Variants in ANKRD12 observed in about 807,000 individuals in gnomAD.
The protein encoded by ANKRD12 is ankyrin repeat domain-containing protein 12.
A neutral mutation model predicts 183.4 loss-of-function variants in ANKRD12; 85 were observed. That is an observed-to-expected ratio of 0.46 (90% CI 0.39 to 0.56). The LOEUF (loss-of-function observed/expected upper bound fraction) is 0.56. Ranked by LOEUF, ANKRD12 falls within the 20% of genes least tolerant of loss-of-function variation. The probability of loss-of-function intolerance (pLI) is 0.00; values close to 1 mark genes in which losing one functional copy is unlikely to be tolerated. For missense variants in ANKRD12, 2,405 were observed against 2,357.1 expected (o/e 1.02, Z -0.42); for synonymous variants, 914 against 800.2 (o/e 1.14, Z -2.40).
chr18:9,142,351 G>A (rs1490007614), intron 1 of ANKRD12, among the ~76,000 whole-genome samples: 3 of 152,338 alleles, frequency 2.0e-5, no homozygotes, highest in East Asian at 3.9e-4. Flanking sequence ...CAGCTAATCT[G>A]ATGATACTGA....
intron 6 of ANKRD12, among the ~76,000 whole-genome samples, chr18:9,216,154 A>C (rs2036092099): frequency 6.6e-6 from 1 of 152,036 alleles, no homozygotes; most frequent in Non-Finnish European, 1.5e-5. Context: ...ACACAAATTT[A>C]CAATGTATTT....
Position 9,258,682 on chromosome 18 carries a change from A to G in ANKRD12, c.5415A>G (p.Ala1805=). The change falls in exon 9 of 13, where the codon GCA becomes GCG. Residue 1805 remains alanine, a synonymous_variant. Transcript: ENST00000262126. ...AAGTGAGTCCCTCTTTACTACAAGC[A>G]AAAGAGAAAACTCAGCAATCTCTGG... ...PVQVSPSLLQ[A]KEKTQQSLAA... The G allele has an allele frequency of 1.9e-6, 3 of 1,613,988 alleles. No individual in the cohort carries two copies. The highest frequency in any genetic ancestry group is 2.5e-6 in the Non-Finnish European group (3 of 1,179,916).
chr18:9,175,518 C>T, intron 1 of ANKRD12, among the ~76,000 whole-genome samples: 1 of 97,322 alleles, frequency 1.0e-5, no homozygotes, highest in East Asian at 2.9e-4. Flanking sequence ...TTTTCAAAGG[C>T]TCCTCTTTTT....
chr18:9,151,051 A>C (rs1025363644), intron 1 of ANKRD12, among the ~76,000 whole-genome samples: 1 of 152,212 alleles, frequency 6.6e-6, no homozygotes, highest in African/African-American at 2.4e-5. Context: ...GCCAGAAAAC[A>C]TTGTGGTGAA....
chr18:9,205,368 TGACA>T (rs1349380391), intron 4 of ANKRD12, among the ~76,000 whole-genome samples: 77 of 152,180 alleles, frequency 5.1e-4, no homozygotes, highest in Non-Finnish European at 5.9e-4. Context: ...TTTCAGCATA[TGACA>T]TTTAGTTATA....
chr18:9,155,276 A>G (rs1031045614), intron 1 of ANKRD12, among the ~76,000 whole-genome samples: 3 of 152,204 alleles, frequency 2.0e-5, no homozygotes, highest in African/African-American at 4.8e-5. Context: ...AAGTAACTAA[A>G]AGAGTATAAT....
rs957145075 is a variant in ANKRD12, at chr18:9,205,808, A to G, written c.304+1264A>G. On this transcript the variant is annotated intron_variant, in intron 4 of 12. Transcript: ENST00000262126. Reference sequence around the variant, plus strand: ...GATTGACTTAATTATGTTCATCTATATTTGAGTTGTGATTCCATTGTTTGA... The same window carrying G: ...GATTGACTTAATTATGTTCATCTATGTTTGAGTTGTGATTCCATTGTTTGA... 8.5e-5 allele frequency among the ~76,000 whole-genome samples: 13 copies of G among 152,184 alleles called. No individual in the cohort carries two copies. In the East Asian group the frequency reaches 1.9e-3, roughly 23 times the overall value.
chr18:9,257,805 A>G lies in ANKRD12; in HGVS notation c.4538A>G (p.Tyr1513Cys), dbSNP rs113068884. The G allele has an allele frequency of 3.0e-5, 49 of 1,613,898 alleles. 3 individuals are homozygous for G. In the South Asian group the frequency reaches 5.1e-4, roughly 17 times the overall value. ...ATTTCTAAACATATGTCTTTGTCAT[A>G]TGTTGCTAATCAAGAGCCAGGTATT... ...ESISKHMSLS[Y>C]VANQEPGILQ... is the part of the protein sequence containing the mutation. The change falls in exon 9 of 13, where the codon TAT (tyrosine) becomes TGT (cysteine). Residue 1513 changes from tyrosine (Y) to cysteine (C), a missense_variant. By Grantham distance (194) the Tyr-to-Cys change is radical. Coordinates refer to ENST00000262126, the MANE Select transcript of ANKRD12 (RefSeq NM_015208.5).
chr18:9,256,628 A>G lies in ANKRD12; in HGVS notation c.3361A>G (p.Lys1121Glu), dbSNP rs2038642423. The change falls in exon 9 of 13, where the codon AAA becomes GAA. Residue 1121 changes from lysine (K) to glutamate (E), a missense_variant. Physicochemically the swap from Lys to Glu is moderately conservative, Grantham distance 56. This residue lies in a region of ANKRD12 where 1,983 missense variants were observed against 1,725.9 expected (regional missense o/e 1.15). Coordinates refer to ENST00000262126, the MANE Select transcript of ANKRD12 (RefSeq NM_015208.5). The part of the protein sequence containing the change: ...RNRNCLELKI[K>E]DKEKTKHTPT... ...CCGAAACTGTTTAGAACTTAAAATA[A>G]AAGATAAAGAAAAAACAAAGCATAC... The G allele has an allele frequency of 1.2e-6, 2 of 1,605,966 alleles. No individual in the cohort carries two copies. Among genetic ancestry groups the G allele is most frequent in the Non-Finnish European group, 1.7e-6 (2 of 1,178,110 alleles).
rs2038509578 is a variant in ANKRD12, at chr18:9,254,902, A to G, written c.1635A>G (p.Lys545=). ...ATATTTCCACTGGTAAATCTCCCAA[A>G]CATTCTTGTGGATTAAGTGAAAAAC... ...LFHISTGKSP[K]HSCGLSEKQS... Residue 545 remains lysine (K), a synonymous_variant, in exon 9 of 13, where the codon AAA becomes AAG. Transcript: ENST00000262126. 6.4e-7 allele frequency: 1 copy of G among 1,557,846 alleles called. No homozygotes were observed. Among genetic ancestry groups the G allele is most frequent in the Non-Finnish European group, 8.7e-7 (1 of 1,155,426 alleles).
chr18:9,223,029 A>G (rs2036507834), intron 8 of ANKRD12, among the ~76,000 whole-genome samples: 1 of 152,268 alleles, frequency 6.6e-6, no homozygotes, highest in South Asian at 2.1e-4. Flanking sequence ...ATATCAGATC[A>G]TACTTGAAAA....
intron 1 of ANKRD12, among the ~76,000 whole-genome samples, chr18:9,147,650 AGAG>A (rs1163152025): frequency 2.0e-5 from 3 of 152,188 alleles, no homozygotes; most frequent in African/African-American, 7.2e-5. Flanking sequence ...CAGTGTGACT[AGAG>A]GAGTTGAAAA....
Position 9,207,329 on chromosome 18 carries a change from A to C in ANKRD12, c.305-1328A>C, listed in dbSNP as rs73394115. On this transcript the variant is annotated intron_variant, in intron 4 of 12. Transcript: ENST00000262126. ...AAAAGATTATACTGGAAAAAAATAA[A>C]GTTGATTTAAATAAGTCTTGAAATT... Among the ~76,000 whole-genome samples, 553 of 152,236 alleles carry C rather than the reference A, an allele frequency of 3.6e-3. 2 individuals carry two copies. Among genetic ancestry groups the C allele is most frequent in the African/African-American group, 0.012 (513 of 41,572 alleles).
At chr18:9,174,200 C>A (rs981698270) in intron 1 of ANKRD12, among the ~76,000 whole-genome samples, 2 of 152,224 alleles carry the variant, frequency 1.3e-5, no homozygotes, top group Non-Finnish European at 2.9e-5. Context: ...GGCAGCCGCC[C>A]CTCCCCCTGA....
In ANKRD12 at chr18:9,220,382, C is replaced by T. The variant is rs115202994; in HGVS notation, c.796-1470C>T. 1.4e-3 allele frequency among the ~76,000 whole-genome samples: 206 copies of T among 152,144 alleles called. 1 individual carries two copies. The highest frequency in any genetic ancestry group is 4.8e-3 in the African/African-American group (200 of 41,508). ...AATGTGTTAATGAATGTGGTATAGG[C>T]TTATGTATGATAGAACACACCAGTG... On this transcript the variant is annotated intron_variant, in intron 7 of 12. Transcript: ENST00000262126.
intron 9 of ANKRD12, 112 bp from the exon 10 acceptor site, chr18:9,263,678 C>T: frequency 1.6e-6 from 1 of 636,288 alleles, no homozygotes; most frequent in Admixed American, 4.0e-5. Flanking sequence ...ATTTAATTCA[C>T]AGGACATCAG....
chr18:9,262,842 A>G (rs1258516779), intron 9 of ANKRD12, among the ~76,000 whole-genome samples: 1 of 111,616 alleles, frequency 9.0e-6, no homozygotes, highest in Non-Finnish European at 1.6e-5. Context: ...TCTGTCACCC[A>G]GGCTGGAATG....
chr18:9,239,838 T>C (rs953937286), intron 8 of ANKRD12, among the ~76,000 whole-genome samples: 1 of 152,228 alleles, frequency 6.6e-6, no homozygotes, highest in Non-Finnish European at 1.5e-5. Flanking sequence ...TTTCAGAACT[T>C]AATAAATTTG....
intron 8 of ANKRD12, among the ~76,000 whole-genome samples, chr18:9,224,298 G>T (rs542770440): frequency 1.3e-5 from 2 of 152,212 alleles, no homozygotes; most frequent in African/African-American, 4.8e-5. Context: ...ACTGAAAGAG[G>T]GATATGAAAG....
Sources: allele counts gnomAD v4.1 joint callset (sites outside exome capture counted in the v4.1 genomes callset), GRCh38; gene constraint gnomAD v4.1.1; regional missense constraint gnomAD v4.1.1; transcripts MANE v1.5; gene names NCBI Gene and HGNC (gene_info 2026-07-23, HGNC 2026-07-21).